Variants in GPC5 observed in about 807,000 individuals in gnomAD.
GPC5 encodes glypican-5.
A neutral mutation model predicts 53.9 loss-of-function variants in GPC5; 47 were observed. The ratio of observed to expected loss-of-function variants is 0.87; its 90% CI spans 0.69 to 1.11. The LOEUF (loss-of-function observed/expected upper bound fraction) is 1.11, where lower values mean the gene tolerates loss of function less well. Ranked by LOEUF, GPC5 falls within the 50% of genes most tolerant of loss-of-function variation. GPC5 has a pLI of 0.00. For missense variants in GPC5, 748 were observed against 713.1 expected, an observed-to-expected ratio of 1.05 and a Z score of -0.56; for synonymous variants, 286 against 263.3, an observed-to-expected ratio of 1.09 and a Z score of -0.84.
At chr13:91,826,248 C>T (rs1464706191) in intron 5 of GPC5, among the ~76,000 whole-genome samples, 4 of 152,136 alleles carry the variant, frequency 2.6e-5, no homozygotes, top group East Asian at 1.9e-4. Flanking sequence ...ATATTAAATA[C>T]GTTCAAGCAC....
intron 7 of GPC5, among the ~76,000 whole-genome samples, chr13:92,510,333 T>C (rs1465633559): frequency 6.6e-6 from 1 of 152,176 alleles, no homozygotes; most frequent in Non-Finnish European, 1.5e-5. Flanking sequence ...TCTACCAGCC[T>C]AATAACTTAA....
At chr13:92,573,109 A>G (rs895372206) in intron 7 of GPC5, among the ~76,000 whole-genome samples, 2 of 152,172 alleles carry the variant, frequency 1.3e-5, no homozygotes, top group African/African-American at 4.8e-5. Flanking sequence ...AATTTTATCA[A>G]AACTATCATG....
At chr13:91,461,324 C>G (rs1246204676) in intron 2 of GPC5, among the ~76,000 whole-genome samples, 1 of 152,056 alleles carries the variant, frequency 6.6e-6, no homozygotes, top group Non-Finnish European at 1.5e-5. Flanking sequence ...TGTAGTAGAA[C>G]AAACATTGGT....
chr13:92,268,097 G>T (rs1363349239), intron 7 of GPC5, among the ~76,000 whole-genome samples: 1 of 146,516 alleles, frequency 6.8e-6, no homozygotes, highest in Non-Finnish European at 1.5e-5. Flanking sequence ...AATGGATAAG[G>T]CACCTTAATT....
intron 7 of GPC5, among the ~76,000 whole-genome samples, chr13:92,806,847 T>C (rs985940600): frequency 3.3e-5 from 5 of 151,896 alleles, no homozygotes; most frequent in African/African-American, 1.2e-4. Context: ...AATGAAAAAG[T>C]TGGAAATATG....
intron 7 of GPC5, among the ~76,000 whole-genome samples, chr13:92,718,014 C>A (rs1278107273): frequency 6.6e-6 from 1 of 152,120 alleles, no homozygotes; most frequent in African/African-American, 2.4e-5. Context: ...CATCTCACCC[C>A]AGTTAAAATG....
At chr13:92,059,897 G>A (rs193195308) in intron 6 of GPC5, 1 of 151,848 alleles carries the variant, frequency 6.6e-6, no homozygotes, top group East Asian at 1.9e-4. Context: ...AATGAGGGCT[G>A]TACTGCTAAT....
At chr13:92,304,081 C>T (rs1486847792) in intron 7 of GPC5, among the ~76,000 whole-genome samples, 1 of 152,064 alleles carries the variant, frequency 6.6e-6, no homozygotes, top group East Asian at 1.9e-4. Flanking sequence ...AATGTAACTT[C>T]TCTGGCCTCA....
At chr13:91,937,755 T>C (rs1445717097) in intron 6 of GPC5, among the ~76,000 whole-genome samples, 1 of 152,000 alleles carries the variant, frequency 6.6e-6, no homozygotes, top group African/African-American at 2.4e-5. Flanking sequence ...GACAAGCAAA[T>C]ATAAGTGGAA....
At chr13:91,778,501 C>T (rs913797635) in intron 5 of GPC5, among the ~76,000 whole-genome samples, 3 of 152,170 alleles carry the variant, frequency 2.0e-5, no homozygotes, top group Non-Finnish European at 4.4e-5. Context: ...CCTCGCCACC[C>T]ATTTAGTTCT....
chr13:91,946,084 C>T (rs901856987), intron 6 of GPC5, among the ~76,000 whole-genome samples: 4 of 152,032 alleles, frequency 2.6e-5, no homozygotes, highest in African/African-American at 9.7e-5. Flanking sequence ...ATGATCTAAC[C>T]CCACTAGGAC....
chr13:91,928,156 CAAG>C (rs1190167874), intron 6 of GPC5, among the ~76,000 whole-genome samples: 4 of 152,114 alleles, frequency 2.6e-5, no homozygotes, highest in Admixed American at 1.3e-4. Context: ...AGACTCTTAA[CAAG>C]AAGAACAATA....
At chr13:92,546,002 A>G (rs1049373539) in intron 7 of GPC5, among the ~76,000 whole-genome samples, 2 of 152,102 alleles carry the variant, frequency 1.3e-5, no homozygotes, top group African/African-American at 2.4e-5. Context: ...ACCCATGCCT[A>G]TATCCTGAAT....
chr13:92,484,590 T>G (rs1433739251), intron 7 of GPC5: 1 of 152,144 alleles, frequency 6.6e-6, no homozygotes, highest in East Asian at 1.9e-4. Context: ...AATAGGAATC[T>G]TTCACCTCCC....
At chr13:92,059,624 A>T (rs985827294) in intron 6 of GPC5, among the ~76,000 whole-genome samples, 1 of 151,952 alleles carries the variant, frequency 6.6e-6, no homozygotes, top group Non-Finnish European at 1.5e-5. Flanking sequence ...TGACGGTAGG[A>T]TAGTTTTCCT....
chr13:92,004,458 T>TTATA lies in GPC5; in HGVS notation c.1401+96430_1401+96433dup, dbSNP rs58376767. On this transcript the variant is annotated intron_variant, in intron 6 of 7. Coordinates refer to ENST00000377067, the MANE Select transcript of GPC5 (RefSeq NM_004466.6). ...GACTCCGTCTCAAAAAAAAAAAAAATTATATATATATATATATATATATAT... is the reference window on the plus strand; with the variant it reads ...GACTCCGTCTCAAAAAAAAAAAAAATTATATATATATATATATATATATATATAT... 3.0e-3 allele frequency among the ~76,000 whole-genome samples: 244 copies of TTATA among 82,480 alleles called. 4 individuals are homozygous for TTATA. Among genetic ancestry groups the TTATA allele is most frequent in the African/African-American group, 0.012 (204 of 17,208 alleles). The allele number at this position is 82,480 out of a possible 152,430, so 54.1% of individuals were successfully genotyped here. A position where few individuals can be genotyped will look rare whatever the true frequency, so the allele number is the denominator to read the frequency against.
At chr13:91,484,986 A>G (rs944358190) in intron 2 of GPC5, among the ~76,000 whole-genome samples, 1 of 152,254 alleles carries the variant, frequency 6.6e-6, no homozygotes. Context: ...CAGACCAGTA[A>G]GATGTGTATG....
At chr13:92,523,718 C>T (rs965061837) in intron 7 of GPC5, among the ~76,000 whole-genome samples, 3 of 151,964 alleles carry the variant, frequency 2.0e-5, no homozygotes, top group Non-Finnish European at 2.9e-5. Context: ...TTCAACAAAA[C>T]CTTTTGTATT....
chr13:91,892,723 C>T (rs963682136), intron 5 of GPC5, among the ~76,000 whole-genome samples: 5 of 151,620 alleles, frequency 3.3e-5, no homozygotes, highest in African/African-American at 1.2e-4. Context: ...ATATAGGAAG[C>T]CAGTAACAAA....
Sources: allele counts gnomAD v4.1 joint callset (sites outside exome capture counted in the v4.1 genomes callset), GRCh38; gene constraint gnomAD v4.1.1; transcripts MANE v1.5; gene names NCBI Gene and HGNC (gene_info 2026-07-23, HGNC 2026-07-21).